Variants in SUN3 observed in about 807,000 individuals in gnomAD.
The protein encoded by SUN3 is SUN domain-containing protein 3.
SUN3 carries 36 observed loss-of-function variants against 48.2 expected under a neutral mutation model. The observed-to-expected ratio is 0.75, with a 90% CI of 0.57 to 0.99. SUN3 has a LOEUF of 0.99. Among genes scored for constraint, SUN3 ranks in the 50% least tolerant of loss-of-function variants. The probability of loss-of-function intolerance (pLI) is 0.00; values close to 1 mark genes in which losing one functional copy is unlikely to be tolerated. For synonymous variants in SUN3, 148 were observed against 147.9 expected (o/e 1.00, Z 0.00); for missense variants, 419 against 433.1 (o/e 0.97, Z 0.29).
At chr7:47,992,414 AAAG>A (rs1789093022) in intron 8 of SUN3, among the ~76,000 whole-genome samples, 2 of 152,240 alleles carry the variant, frequency 1.3e-5, no homozygotes, top group South Asian at 2.1e-4. Context: ...AGGCTCTAAA[AAAG>A]GGAATATGTA....
At chr7:48,012,257 A>G (rs887325376) in intron 3 of SUN3, among the ~76,000 whole-genome samples, 1 of 152,196 alleles carries the variant, frequency 6.6e-6, no homozygotes, top group Non-Finnish European at 1.5e-5. Flanking sequence ...GCCTCATCCT[A>G]ACCATGGATT....
In SUN3 at chr7:48,006,072, C is replaced by G. The variant is rs769515068; in HGVS notation, c.493-19G>C. 1 of 1,512,970 alleles carries G rather than the reference C, an allele frequency of 6.6e-7. No individual in the cohort carries two copies. Among genetic ancestry groups the G allele is most frequent in the South Asian group, 1.2e-5 (1 of 84,580 alleles). The allele number at this position is 1,512,970 out of a possible 1,614,324, so 93.7% of individuals were successfully genotyped here. Reference sequence around the variant, plus strand: ...ACACTTCCTGTAGAAATTTTATAAACAGTTTTCTGTTAACAATCTTTGCCA... The same window carrying G: ...ACACTTCCTGTAGAAATTTTATAAAGAGTTTTCTGTTAACAATCTTTGCCA... On this transcript the variant is annotated intron_variant, in intron 5 of 9. Transcript: ENST00000297325.
In SUN3 at chr7:48,001,540, T is replaced by TG. The variant is rs1365119679; in HGVS notation, c.577+4428_577+4429insC. Among the ~76,000 whole-genome samples the TG allele has an allele frequency of 3.3e-4, 46 of 138,536 alleles. 1 individual carries two copies. Among genetic ancestry groups the TG allele is most frequent in the Admixed American group, 2.7e-3 (37 of 13,658 alleles). 90.9% of individuals were successfully genotyped at this position (138,536 alleles called of 152,430 possible). A position where few individuals can be genotyped will look rare whatever the true frequency, so the allele number is the denominator to read the frequency against. Reference sequence around the variant, plus strand: ...CTTTTCTGTTTTTTTTGTTTTTTTTTTTTTTTTTTTTGAGACAGAGTCTCG... The same window carrying TG: ...CTTTTCTGTTTTTTTTGTTTTTTTTTGTTTTTTTTTTTGAGACAGAGTCTCG... On this transcript the variant is annotated intron_variant, in intron 6 of 9. Transcript: ENST00000297325.
chr7:48,035,779 G>C, the SUN3 span: 1 of 583,682 alleles, frequency 1.7e-6, no homozygotes, highest in East Asian at 3.0e-5. This position sits in a 1 kb window ranked among gnomAD's most constrained non-coding sequence, Gnocchi z 4.0. Context: ...CACAGGGCGG[G>C]ATCTCCAAGC....
chr7:48,007,112 T>A (rs1562605661), intron 5 of SUN3, 53 bp downstream of exon 5: 2 of 1,555,184 alleles, frequency 1.3e-6, no homozygotes, highest in Non-Finnish European at 1.7e-6. Flanking sequence ...ACCCTGGACA[T>A]CCGCGCTAAC....
the SUN3 span, among the ~76,000 whole-genome samples, chr7:48,035,162 A>G: frequency 6.6e-6 from 1 of 152,078 alleles, no homozygotes; most frequent in Non-Finnish European, 1.5e-5. This position sits in a 1 kb window ranked among gnomAD's most constrained non-coding sequence, Gnocchi z 4.0. Context: ...CATGTCCCCA[A>G]TTTTTCTGGA....
chr7:47,987,457 T>G lies in SUN3; in HGVS notation c.955-8A>C. ...ATATTCAGAAACTGCATGCTGAAAA[T>G]AAAGAAAAGAAAATCAATGCCTTAT... On this transcript the variant is annotated splice_polypyrimidine_tract_variant and splice_region_variant and intron_variant, in intron 9 of 9. Coordinates refer to ENST00000297325, the MANE Select transcript of SUN3 (RefSeq NM_001030019.2). 1 of 1,549,180 alleles carries G rather than the reference T, an allele frequency of 6.5e-7. No homozygotes were observed. Among genetic ancestry groups the G allele is most frequent in the Non-Finnish European group, 8.7e-7 (1 of 1,149,068 alleles).
intron 2 of SUN3, among the ~76,000 whole-genome samples, chr7:48,024,638 A>T (rs556146386): frequency 7.9e-5 from 12 of 152,332 alleles, no homozygotes; most frequent in African/African-American, 2.9e-4. Flanking sequence ...TATAGGCTGT[A>T]CAAGAAGCAT....
Position 47,994,404 on chromosome 7 carries a change from T to C in SUN3, c.772A>G (p.Ile258Val). The change falls in exon 8 of 10, where the codon ATA (isoleucine) becomes GTA (valine). Residue 258 changes from isoleucine to valine, a missense_variant. Transcript: ENST00000297325. Reference protein sequence around the residue: ...HTLIKLATKIIPTAVTMEHIS... With the variant: ...HTLIKLATKIVPTAVTMEHIS... ...TGCTCCATGGTAACAGCAGTTGGTATGATCTTTGTAGCAAGCTTGATTAGG... is the reference window on the plus strand; with the variant it reads ...TGCTCCATGGTAACAGCAGTTGGTACGATCTTTGTAGCAAGCTTGATTAGG... 1 of 1,613,302 alleles carries C rather than the reference T, an allele frequency of 6.2e-7. No individual in the cohort carries two copies. The highest frequency in any genetic ancestry group is 8.5e-7 in the Non-Finnish European group (1 of 1,179,678).
chr7:48,035,414 G>C, the SUN3 span: 14 of 661,890 alleles, frequency 2.1e-5, no homozygotes, highest in Middle Eastern at 4.0e-4. The surrounding 1 kb of genome is among the most constrained non-coding windows in gnomAD (Gnocchi z 4.0). Flanking sequence ...TTCCTGCCCT[G>C]ATTGGCCCAC....
intron 6 of SUN3, among the ~76,000 whole-genome samples, chr7:47,998,931 G>A (rs994398254): frequency 4.6e-5 from 7 of 152,108 alleles, no homozygotes; most frequent in Admixed American, 3.9e-4. Context: ...GGTAGTGTGA[G>A]TTCTCCAACT....
chr7:48,021,751 A>G (rs1326866682), intron 2 of SUN3, among the ~76,000 whole-genome samples: 1 of 152,202 alleles, frequency 6.6e-6, no homozygotes, highest in Non-Finnish European at 1.5e-5. Flanking sequence ...AATGGCTTAT[A>G]CCCAAAAGAT....
chr7:48,015,566 G>A (rs1789788686), intron 3 of SUN3, among the ~76,000 whole-genome samples: 1 of 152,136 alleles, frequency 6.6e-6, no homozygotes, highest in Non-Finnish European at 1.5e-5. Context: ...GAGCAAAAAG[G>A]GTATGAAGTA....
At chr7:47,992,577 TAGAC>T (rs1475774218) in intron 8 of SUN3, among the ~76,000 whole-genome samples, 5 of 151,726 alleles carry the variant, frequency 3.3e-5, no homozygotes, top group Admixed American at 2.0e-4. Context: ...AATAATAAAT[TAGAC>T]AGTAAGTTGA....
Position 48,028,846 on chromosome 7 carries a change from T to A in SUN3, c.93A>T (p.Leu31Phe), listed in dbSNP as rs1313453213. Residue 31 changes from leucine (L) to phenylalanine (F), a missense_variant, in exon 1 of 10, where the codon TTA (leucine) becomes TTT (phenylalanine). Physicochemically the swap from Leu to Phe is conservative, Grantham distance 22. Coordinates refer to ENST00000297325, the MANE Select transcript of SUN3 (RefSeq NM_001030019.2). Reference sequence around the variant, plus strand: ...TCGCATCAGGATTTTCGTCCTCTGATAACAAAGCATTGCCACTGGCGCTAC... The same window carrying A: ...TCGCATCAGGATTTTCGTCCTCTGAAAACAAAGCATTGCCACTGGCGCTAC... ...ASGSASGNAL[L>F]SEDENPDANG... 6.2e-7 allele frequency: 1 copy of A among 1,613,848 alleles called. No individual in the cohort carries two copies. Among genetic ancestry groups the A allele is most frequent in the African/African-American group, 1.3e-5 (1 of 74,924 alleles).
At chr7:48,020,134 G>T (rs1267527853) in intron 2 of SUN3, among the ~76,000 whole-genome samples, 8 of 152,016 alleles carry the variant, frequency 5.3e-5, no homozygotes, top group Non-Finnish European at 7.4e-5. Context: ...TTTATCCCTG[G>T]GATGCAAGGA....
intron 3 of SUN3, among the ~76,000 whole-genome samples, chr7:48,012,737 C>T (rs563413442): frequency 4.3e-4 from 65 of 152,316 alleles, no homozygotes; most frequent in African/African-American, 1.5e-3. Context: ...GCTTGAATAT[C>T]TATGTTTCTT....
intron 8 of SUN3, among the ~76,000 whole-genome samples, chr7:47,991,239 T>C (rs538305452): frequency 1.2e-4 from 18 of 152,292 alleles, no homozygotes; most frequent in Admixed American, 3.3e-4. Flanking sequence ...GTTTTAATTT[T>C]ACTTGGTTCA....
chr7:48,019,298 A>C (rs1789901056), intron 2 of SUN3, among the ~76,000 whole-genome samples: 1 of 152,192 alleles, frequency 6.6e-6, no homozygotes, highest in Non-Finnish European at 1.5e-5. Flanking sequence ...CAGCAAAAGC[A>C]GTACTAAGAG....
Sources: gnomAD v4.1 joint callset for allele counts (sites outside exome capture counted in the v4.1 genomes callset) on GRCh38, gnomAD v4.1.1 for gene constraint, Gnocchi (gnomAD v3.1) non-coding constraint, MANE v1.5 for transcripts, NCBI Gene and HGNC (gene_info 2026-07-23, HGNC 2026-07-21) for gene names.